The following WDR87 variants were observed in gnomAD, a reference collection of about 807,000 sequenced individuals.
WDR87 encodes the protein WD repeat domain 87, also known as WD repeat-containing protein 87.
WDR87 carries 56 observed loss-of-function variants against 83.3 expected under a neutral mutation model. The ratio of observed to expected loss-of-function variants is 0.67; its 90% CI spans 0.54 to 0.84. The LOEUF is 0.84. Ranked by LOEUF, WDR87 falls within the 40% of genes least tolerant of loss-of-function variation. WDR87 has a pLI of 0.00. For synonymous variants in WDR87, 1,173 were observed against 1,250.6 expected (o/e 0.94, Z 1.31); for missense variants, 2,939 against 3,431.9 (o/e 0.86, Z 3.59).
At chr19:37,896,032 C>T (rs2046252764) in intron 3 of WDR87, 106 bp downstream of exon 3, 3 of 1,399,212 alleles carry the variant, frequency 2.1e-6, no homozygotes, top group Middle Eastern at 1.8e-4. Flanking sequence ...TGGTTCCAGA[C>T]CACATTCATC....
At chr19:37,896,084 T>C in intron 3 of WDR87, 54 bp downstream of exon 3, 10 of 1,544,444 alleles carry the variant, frequency 6.5e-6, no homozygotes, top group South Asian at 2.4e-5. Flanking sequence ...CTAACAGTTA[T>C]ATGGGCATGG....
chr19:37,902,780 G>A (rs1353972740), intron 1 of WDR87, among the ~76,000 whole-genome samples: 6 of 152,112 alleles, frequency 3.9e-5, no homozygotes, highest in African/African-American at 1.4e-4. Context: ...TGACTCTAGG[G>A]GGCGCTGCAC....
Position 37,889,402 on chromosome 19 carries a change from T to C in WDR87, c.4269A>G (p.Gly1423=), listed in dbSNP as rs1453773108. The C allele has an allele frequency of 1.9e-6, 3 of 1,551,688 alleles. No individual in the cohort carries two copies. In the East Asian group the frequency reaches 7.3e-5, roughly 38 times the overall value. Residue 1423 remains glycine, a synonymous_variant, in exon 6 of 6, where the codon GGA becomes GGG. Coordinates refer to ENST00000447313, the MANE Select transcript of WDR87 (RefSeq NM_001291088.2). ...TCTCTTCTTTCTTTGATATTTCTTT[T>C]CCCATGGTTACATTACCTGGTTCTA... ...IFLEPGNVTM[G]KEISKKEEKK... is the part of the protein sequence containing the mutation.
Position 37,894,788 on chromosome 19 carries a change from G to A in WDR87, c.915C>T (p.Ser305=). ...AHTLLTAGSD[S]LIKEWNLTSG... is the part of the protein sequence containing the mutation. The stretch of plus-strand genomic sequence containing the variant: ...AAGTCAGGTTCCACTCCTTGATTAG[G>A]CTGTCACTACCAGCTGTTAGCAGGG... The change falls in exon 4 of 6, where the codon AGC becomes AGT. Residue 305 remains serine (S), a synonymous_variant. Coordinates refer to ENST00000447313, the MANE Select transcript of WDR87 (RefSeq NM_001291088.2). The A allele has an allele frequency of 6.4e-7, 1 of 1,551,688 alleles. No homozygotes were observed. The highest frequency in any genetic ancestry group is 8.7e-7 in the Non-Finnish European group (1 of 1,146,986).
In WDR87 at chr19:37,887,169, G is replaced by A. The variant is rs1322270072; in HGVS notation, c.6502C>T (p.Arg2168Ter). 13 of 1,551,090 alleles carry A rather than the reference G, an allele frequency of 8.4e-6. No homozygotes were observed. The highest frequency in any genetic ancestry group is 6.9e-5 in the African/African-American group (5 of 72,914). ...DIKEWDFSEK[R>*]SELTKDEKKL... ...TTCTCATCTTTAGTCAGTTCTGATC[G>A]TTTTTCAGAAAAATCCCACTCTTTG... Residue 2168 changes from arginine (R) to a stop codon, truncating the protein, a stop_gained, in exon 6 of 6, where the codon CGA becomes TGA. Coordinates refer to ENST00000447313, the MANE Select transcript of WDR87 (RefSeq NM_001291088.2). LOFTEE classifies it low-confidence loss of function (END_TRUNC).
chr19:37,888,223 C>T lies in WDR87; in HGVS notation c.5448G>A (p.Leu1816=), dbSNP rs1295181665. ...ETKLAQEEEL[L]IQEKEKLAQH... ...GGGCCAGTTTCTCCTTTTCCTGGAT[C>T]AGCAACTCTTCTTCCTGGGCCAGTT... Residue 1816 remains leucine (L), a synonymous_variant, in exon 6 of 6, where the codon CTG becomes CTA. Coordinates refer to ENST00000447313, the MANE Select transcript of WDR87 (RefSeq NM_001291088.2). 3 of 1,552,082 alleles carry T rather than the reference C, an allele frequency of 1.9e-6. No homozygotes were observed. Among genetic ancestry groups the T allele is most frequent in the Non-Finnish European group, 2.6e-6 (3 of 1,147,122 alleles).
In WDR87 at chr19:37,885,070, T is replaced by C. The variant is rs374392606; in HGVS notation, c.8601A>G (p.Pro2867=). ...GGATGGTGCGCACACAGTTCTGCCATGGGAGGGGTACCGCACCCTGGAACT... is the reference window on the plus strand; with the variant it reads ...GGATGGTGCGCACACAGTTCTGCCACGGGAGGGGTACCGCACCCTGGAACT... ...PQEFQGAVPL[P]WQNCVRTILP... Residue 2867 remains proline (P), a synonymous_variant, in exon 6 of 6, where the codon CCA becomes CCG. Coordinates refer to ENST00000447313, the MANE Select transcript of WDR87 (RefSeq NM_001291088.2). 4 of 1,470,530 alleles carry C rather than the reference T, an allele frequency of 2.7e-6. No homozygotes were observed. The highest frequency in any genetic ancestry group is 2.7e-6 in the Non-Finnish European group (3 of 1,109,542). The allele number at this position is 1,470,530 out of a possible 1,614,324, so 91.1% of individuals were successfully genotyped here.
At position 37,888,651 on chromosome 19, in the gene WDR87, C is replaced by A; in HGVS notation, c.5020G>T (p.Gly1674Cys). 1 of 1,552,084 alleles carries A rather than the reference C, an allele frequency of 6.4e-7. No homozygotes were observed. The highest frequency in any genetic ancestry group is 8.7e-7 in the Non-Finnish European group (1 of 1,147,108). ...GTTTCCTCTTTCTGGGCAAACTTAC[C>A]CTCTGCCTGGGCCATTTCCCTGTCA... ...QDDREMAQAE[G>C]KFAQKEETLA... Residue 1674 changes from glycine (G) to cysteine (C), a missense_variant, in exon 6 of 6, where the codon GGT (glycine) becomes TGT (cysteine). By Grantham distance (159) the Gly-to-Cys change is radical. Around this residue, in one of 3 missense-constraint regions of WDR87, gnomAD observed 2,160 missense variants for 2,533.1 expected, o/e 0.85. Transcript: ENST00000447313.
chr19:37,893,633 G>A lies in WDR87; in HGVS notation c.2070C>T (p.Ser690=), dbSNP rs1456438628. The change falls in exon 4 of 6, where the codon AGC becomes AGT. Residue 690 remains serine (S), a synonymous_variant. Coordinates refer to ENST00000447313, the MANE Select transcript of WDR87 (RefSeq NM_001291088.2). The part of the protein sequence containing the change: ...PALLTRLSFM[S]ISDEVLEVPK... ...GGACTTCCAGTACTTCATCTGATATGCTCATAAAGGAAAGGCGAGTCAGCA... is the reference window on the plus strand; with the variant it reads ...GGACTTCCAGTACTTCATCTGATATACTCATAAAGGAAAGGCGAGTCAGCA... The A allele has an allele frequency of 6.4e-7, 1 of 1,552,128 alleles. No homozygotes were observed. The highest frequency in any genetic ancestry group is 1.2e-5 in the South Asian group (1 of 84,066).
At chr19:37,905,661 T>C (rs1457059802) in intron 1 of WDR87, among the ~76,000 whole-genome samples, 1 of 152,102 alleles carries the variant, frequency 6.6e-6, no homozygotes, top group African/African-American at 2.4e-5. Flanking sequence ...CTCCTGGGCT[T>C]AAGCGATACT....
intron 1 of WDR87, among the ~76,000 whole-genome samples, chr19:37,905,591 T>A (rs1043028118): frequency 1.3e-5 from 2 of 152,112 alleles, no homozygotes; most frequent in Non-Finnish European, 2.9e-5. Flanking sequence ...GAGACAGGGT[T>A]CTGCTTTGTC....
chr19:37,890,956 T>A (rs573640973), intron 5 of WDR87, among the ~76,000 whole-genome samples: 124 of 152,326 alleles, frequency 8.1e-4, no homozygotes, highest in African/African-American at 2.5e-3. Context: ...TTTTAAAAAA[T>A]TATACTTTAA....
chr19:37,898,910 G>C (rs73027472), intron 1 of WDR87, among the ~76,000 whole-genome samples: 1 of 152,016 alleles, frequency 6.6e-6, no homozygotes, highest in East Asian at 1.9e-4. Context: ...AACTTCATCC[G>C]TTTAGAGAAA....
chr19:37,893,661 G>A lies in WDR87; in HGVS notation c.2042C>T (p.Ala681Val), dbSNP rs2046227563. 6.4e-7 allele frequency: 1 copy of A among 1,552,130 alleles called. No homozygotes were observed. The highest frequency in any genetic ancestry group is 2.4e-5 in the East Asian group (1 of 40,918). Residue 681 changes from alanine to valine, a missense_variant, in exon 4 of 6, where the codon GCC becomes GTC. Coordinates refer to ENST00000447313, the MANE Select transcript of WDR87 (RefSeq NM_001291088.2). ...CATAAAGGAAAGGCGAGTCAGCAGG[G>A]CTGGGGGAAGCAATTTTAAACAGGA... ...LVSCLKLLPP[A>V]LLTRLSFMSI...
intron 1 of WDR87, among the ~76,000 whole-genome samples, chr19:37,899,022 T>TGCCCATCAATCTGAGATTAAG (rs1200389497): frequency 2.0e-5 from 3 of 152,058 alleles, no homozygotes; most frequent in East Asian, 1.9e-4. Flanking sequence ...TTGTTGTTGC[T>TGCCCATCAATCTGAGATTAAG]GCCCATCAAT....
At chr19:37,896,036 A>G in intron 3 of WDR87, 102 bp downstream of exon 3, 1 of 1,422,360 alleles carries the variant, frequency 7.0e-7, no homozygotes, top group East Asian at 2.5e-5. Context: ...TCCAGACCAC[A>G]TTCATCCATG....
rs939525487 is a variant in WDR87 at position 37,885,051 on chromosome 19, T to C, written c.8620A>G (p.Thr2874Ala). 6.8e-7 allele frequency: 1 copy of C among 1,469,680 alleles called. No homozygotes were observed. Among genetic ancestry groups the C allele is most frequent in the African/African-American group, 1.4e-5 (1 of 70,242 alleles). The allele number at this position is 1,469,680 out of a possible 1,614,324, so 91.0% of individuals were successfully genotyped here. Residue 2874 changes from threonine (T) to alanine (A), a missense_variant, in exon 6 of 6, where the codon ACC becomes GCC. Around this residue, in one of 3 missense-constraint regions of WDR87, gnomAD observed 2,160 missense variants for 2,533.1 expected, o/e 0.85. Coordinates refer to ENST00000447313, the MANE Select transcript of WDR87 (RefSeq NM_001291088.2). ...CGGGCAATGCCCACGGGAAGGATGG[T>C]GCGCACACAGTTCTGCCATGGGAGG... ...VPLPWQNCVR[T>A]ILPVGIARYG...
chr19:37,887,711 T>C lies in WDR87; in HGVS notation c.5960A>G (p.Lys1987Arg), dbSNP rs762209992. Residue 1987 changes from lysine (K) to arginine (R), a missense_variant, in exon 6 of 6, where the codon AAA becomes AGA. This residue lies in a region of WDR87 where 2,160 missense variants were observed against 2,533.1 expected (regional missense o/e 0.85). Transcript: ENST00000447313. The part of the protein sequence containing the change: ...ALEKAMVQGK[K>R]RLRGELDIAK... Reference sequence around the variant, plus strand: ...AATATCCAACTCTCCTCTGAGCCGTTTCTTTCCTTGGACCATTGCCTTCTC... The same window carrying C: ...AATATCCAACTCTCCTCTGAGCCGTCTCTTTCCTTGGACCATTGCCTTCTC... The C allele has an allele frequency of 4.5e-6, 7 of 1,550,210 alleles. No homozygotes were observed. The African/African-American group carries it at 9.6e-5, about 21-fold the overall frequency.
chr19:37,889,903 T>C lies in WDR87; in HGVS notation c.3768A>G (p.Lys1256=). The part of the protein sequence containing the change: ...TPPVMEQPVT[K]KVKIQGRGAS... Reference sequence around the variant, plus strand: ...CTCCCCGCCCTTGGATTTTAACCTTTTTAGTAACTGGCTGTTCCATTACAG... The same window carrying C: ...CTCCCCGCCCTTGGATTTTAACCTTCTTAGTAACTGGCTGTTCCATTACAG... The change falls in exon 6 of 6, where the codon AAA becomes AAG. Residue 1256 remains lysine, a synonymous_variant. Coordinates refer to ENST00000447313, the MANE Select transcript of WDR87 (RefSeq NM_001291088.2). The C allele has an allele frequency of 6.4e-7, 1 of 1,551,586 alleles. No homozygotes were observed. Among genetic ancestry groups the C allele is most frequent in the Non-Finnish European group, 8.7e-7 (1 of 1,146,988 alleles).
Sources: gnomAD v4.1 joint callset for allele counts (sites outside exome capture counted in the v4.1 genomes callset) on GRCh38, gnomAD v4.1.1 for gene constraint, gnomAD v4.1.1 regional missense constraint, MANE v1.5 for transcripts, NCBI Gene and HGNC (gene_info 2026-07-23, HGNC 2026-07-21) for gene names.